GRB7: variants seen among roughly 807,000 people sequenced by gnomAD.
GRB7 encodes growth factor receptor-bound protein 7.
Under a neutral mutation model 64.1 loss-of-function variants are expected in GRB7, and 47 were observed. That is an observed-to-expected ratio of 0.73 (90% CI 0.58 to 0.94). The LOEUF (loss-of-function observed/expected upper bound fraction) is 0.94, where lower values mean the gene tolerates loss of function less well. GRB7 is among the 40% of genes least tolerant of loss of function. The probability of loss-of-function intolerance (pLI) is 0.00; values close to 1 mark genes in which losing one functional copy is unlikely to be tolerated. For missense variants in GRB7, 634 were observed against 718.4 expected, an observed-to-expected ratio of 0.88 and a Z score of 1.34; for synonymous variants, 277 against 279.9, an observed-to-expected ratio of 0.99 and a Z score of 0.10.
rs2060000673 is a variant in GRB7, at chr17:39,742,252, GACAAGGGCACACAACT to G, written c.-49_-34del. ...GAATTCTCTCATCCCCTCTCCCCAG[GACAAGGGCACACAACT>G]GGTTCCGTTAAGCCCCTCTCTTGCT... is the stretch of plus-strand genomic sequence containing the variant. On this transcript the variant is annotated splice_region_variant and 5_prime_UTR_variant, in exon 2 of 15. Transcript: ENST00000309156. 6.2e-7 allele frequency: 1 copy of G among 1,612,514 alleles called. No homozygotes were observed.
chr17:39,738,966 G>A, intron 1 of GRB7: 1 of 1,521,846 alleles, frequency 6.6e-7, no homozygotes, highest in Non-Finnish European at 8.8e-7. Flanking sequence ...AAATGGGCAG[G>A]AAGGCTGGAG....
intron 8 of GRB7, 98 bp downstream of exon 8, chr17:39,744,761 C>T: frequency 7.7e-7 from 1 of 1,293,244 alleles, no homozygotes; most frequent in Admixed American, 2.0e-5. Context: ...ATTCAGACAC[C>T]TAGACTCCTC....
chr17:39,740,003 T>C (rs916836293), intron 1 of GRB7: 6 of 985,274 alleles, frequency 6.1e-6, no homozygotes, highest in Admixed American at 6.1e-5. Context: ...CTCTCTGATC[T>C]CTGAGGCCAG....
chr17:39,741,996 G>GA (rs890700272), intron 1 of GRB7, among the ~76,000 whole-genome samples: 5 of 133,578 alleles, frequency 3.7e-5, no homozygotes, highest in Non-Finnish European at 5.0e-5. Context: ...AAAAAAAGGA[G>GA]AAAAAAAACA....
intron 1 of GRB7, chr17:39,740,291 C>G (rs1359926795): frequency 2.7e-6 from 1 of 365,054 alleles, no homozygotes; most frequent in Admixed American, 6.4e-5. Flanking sequence ...CCTGAGCCCC[C>G]TCCCTGGCCT....
rs1383881635 is a variant in GRB7 at position 39,745,918 on chromosome 17, C to A, written c.1276C>A (p.His426Asn). 3 of 1,613,888 alleles carry A rather than the reference C, an allele frequency of 1.9e-6. No individual in the cohort carries two copies. The South Asian group carries it at 3.3e-5, about 18-fold the overall frequency. The change falls in exon 13 of 15, where the codon CAC (histidine) becomes AAC (asparagine). Residue 426 changes from histidine (H) to asparagine (N), a missense_variant. Coordinates refer to ENST00000309156, the MANE Select transcript of GRB7 (RefSeq NM_005310.5). ...ASGTSLSAAI[H>N]RTQLWFHGRI... The stretch of plus-strand genomic sequence containing the variant: ...CATGTCCTTCCCCACCACAGCCATC[C>A]ACCGCACCCAACTCTGGTTCCACGG...
rs1385347827 is a variant in GRB7 at position 39,742,719 on chromosome 17, G to A, written c.306+3G>A. ...CCCGCGATGCCAGCCGCCCCCATGT[G>A]AGTTGTCCCTCAGAAGGGAAGGGAG... On this transcript the variant is annotated splice_donor_region_variant and intron_variant, in intron 3 of 14. Transcript: ENST00000309156. 1.3e-6 allele frequency: 2 copies of A among 1,551,478 alleles called. No homozygotes were observed. Among genetic ancestry groups the A allele is most frequent in the Non-Finnish European group, 1.7e-6 (2 of 1,149,454 alleles).
At chr17:39,745,026 G>A in intron 9 of GRB7, 42 bp downstream of exon 9, 1 of 1,498,372 alleles carries the variant, frequency 6.7e-7, no homozygotes, top group Non-Finnish European at 9.3e-7. Context: ...CCTGGCCAGA[G>A]GGATCCCCAG....
intron 1 of GRB7, among the ~76,000 whole-genome samples, chr17:39,740,687 C>G (rs138697858): frequency 6.6e-6 from 1 of 152,226 alleles, no homozygotes; most frequent in Non-Finnish European, 1.5e-5. Flanking sequence ...GTGCCTCCCC[C>G]ATTCCGCTCT....
In GRB7 at chr17:39,742,604, C is replaced by T; in HGVS notation, c.194C>T (p.Pro65Leu). Residue 65 changes from proline (P) to leucine (L), a missense_variant, in exon 3 of 15, where the codon CCC (proline) becomes CTC (leucine). Physicochemically the swap from Pro to Leu is moderately conservative, Grantham distance 98. Coordinates refer to ENST00000309156, the MANE Select transcript of GRB7 (RefSeq NM_005310.5). ...GAGGAGAGGCGTGCCACCTCCCTCC[C>T]CTCTATCCCCAACCCCTTCCCTGAG... is the stretch of plus-strand genomic sequence containing the variant. ...REEERRATSL[P>L]SIPNPFPELC... is the part of the protein sequence containing the mutation. 6.2e-7 allele frequency: 1 copy of T among 1,613,870 alleles called. No homozygotes were observed. The highest frequency in any genetic ancestry group is 8.5e-7 in the Non-Finnish European group (1 of 1,179,910).
At chr17:39,744,493 G>C (rs900815245) in intron 7 of GRB7, 60 bp from the exon 8 acceptor site, 11 of 1,364,686 alleles carry the variant, frequency 8.1e-6, no homozygotes, top group African/African-American at 4.3e-5. Context: ...TGGCTTGTGG[G>C]GGGAGGTAAT....
intron 14 of GRB7, 89 bp from the exon 15 acceptor site, chr17:39,746,662 A>G: frequency 7.1e-7 from 1 of 1,399,436 alleles, no homozygotes. Context: ...AGAAAAGAAT[A>G]AAAGGAAATG....
Position 39,746,105 on chromosome 17 carries a change from G to A in GRB7, c.1359-4G>A, listed in dbSNP as rs753504232. 8 of 1,613,882 alleles carry A rather than the reference G, an allele frequency of 5.0e-6. No individual in the cohort carries two copies. The South Asian group carries it at 7.7e-5, about 16-fold the overall frequency. On this transcript the variant is annotated splice_region_variant and splice_polypyrimidine_tract_variant and intron_variant, in intron 13 of 14. Coordinates refer to ENST00000309156, the MANE Select transcript of GRB7 (RefSeq NM_005310.5). ...ATGCTGCCCCATCTCCTGTCTTCTGGCAGCCTGTTCCTGGTCCGGGAGAGT... is the reference window on the plus strand; with the variant it reads ...ATGCTGCCCCATCTCCTGTCTTCTGACAGCCTGTTCCTGGTCCGGGAGAGT...
At chr17:39,740,228 C>A in intron 1 of GRB7, 1 of 923,794 alleles carries the variant, frequency 1.1e-6, no homozygotes, top group Non-Finnish European at 1.3e-6. Flanking sequence ...TATTGAGGTG[C>A]TGGTGTCTCT....
chr17:39,745,213 C>T (rs544965310), intron 9 of GRB7, 30 bp from the exon 10 acceptor site: 1 of 1,558,184 alleles, frequency 6.4e-7, no homozygotes, highest in African/African-American at 1.4e-5. Context: ...ACCTCTCGAC[C>T]TCAAGCTCTC....
rs1377092163 is a variant in GRB7, at chr17:39,747,196, G to A, written c.*299G>A. On this transcript the variant is annotated 3_prime_UTR_variant, in exon 15 of 15. Coordinates refer to ENST00000309156, the MANE Select transcript of GRB7 (RefSeq NM_005310.5). ...TGGGAGAAGTGGGGGCAGCCCAGGC[G>A]GTTTCACGCCCCACACTTTGTACAG... 2.0e-5 allele frequency: 9 copies of A among 451,356 alleles called. No homozygotes were observed. The highest frequency in any genetic ancestry group is 7.4e-5 in the East Asian group (2 of 27,174). 28.0% of individuals were successfully genotyped at this position (451,356 alleles called of 1,614,324 possible).
intron 1 of GRB7, among the ~76,000 whole-genome samples, chr17:39,740,501 C>A (rs2059985756): frequency 6.6e-6 from 1 of 152,156 alleles, no homozygotes; most frequent in African/African-American, 2.4e-5. Flanking sequence ...CCAGGCCGGG[C>A]ATTGCCTCTC....
Position 39,747,183 on chromosome 17 carries a change from G to T in GRB7, c.*286G>T, listed in dbSNP as rs1394966744. On this transcript the variant is annotated 3_prime_UTR_variant, in exon 15 of 15. Transcript: ENST00000309156. ...GGGCAGGGAATTATGGGAGAAGTGG[G>T]GGCAGCCCAGGCGGTTTCACGCCCC... is the stretch of plus-strand genomic sequence containing the variant. 2.1e-6 allele frequency: 1 copy of T among 472,536 alleles called. No individual in the cohort carries two copies. 29.3% of individuals were successfully genotyped at this position (472,536 alleles called of 1,614,324 possible). A position where few individuals can be genotyped will look rare whatever the true frequency, so the allele number is the denominator to read the frequency against.
chr17:39,746,797 C>G lies in GRB7; in HGVS notation c.1499C>G (p.Thr500Ser). ...RLYFSMDDGQ[T>S]RFTDLLQLVE... is the part of the protein sequence containing the mutation. ...TACTTCAGCATGGATGATGGCCAGA[C>G]CCGCTTCACTGACCTGCTGCAGCTC... is the stretch of plus-strand genomic sequence containing the variant. The change falls in exon 15 of 15, where the codon ACC (threonine) becomes AGC (serine). Residue 500 changes from threonine (T) to serine (S), a missense_variant. Physicochemically the swap from Thr to Ser is moderately conservative, Grantham distance 58 (BLOSUM62 1). Around this residue, in one of 2 missense-constraint regions of GRB7, gnomAD observed 467 missense variants for 576.6 expected, o/e 0.81. Transcript: ENST00000309156. 1.2e-6 allele frequency: 2 copies of G among 1,614,116 alleles called. No individual in the cohort carries two copies. Among genetic ancestry groups the G allele is most frequent in the African/African-American group, 1.3e-5 (1 of 75,066 alleles).
Sources: allele counts gnomAD v4.1 joint callset (sites outside exome capture counted in the v4.1 genomes callset), GRCh38; gene constraint gnomAD v4.1.1; regional missense constraint gnomAD v4.1.1; transcripts MANE v1.5; gene names NCBI Gene and HGNC (gene_info 2026-07-23, HGNC 2026-07-21).